USP35: variants seen among roughly 807,000 people sequenced by gnomAD.
The protein encoded by USP35 is ubiquitin carboxyl-terminal hydrolase 35.
USP35 carries 69 observed loss-of-function variants against 83.8 expected under a neutral mutation model. The ratio of observed to expected loss-of-function variants is 0.82; its 90% CI spans 0.68 to 1.01. USP35 has a LOEUF of 1.01. USP35 is among the 50% of genes least tolerant of loss of function. The pLI is 0.00. For synonymous variants in USP35, 714 were observed against 589.5 expected (o/e 1.21, Z -3.06); for missense variants, 1,503 against 1,362.5 (o/e 1.10, Z -1.62).
At position 78,210,487 on chromosome 11, in the gene USP35, C is replaced by G. The variant is rs369618243; in HGVS notation, c.2632C>G (p.Leu878Val). The G allele has an allele frequency of 1.1e-5, 18 of 1,614,124 alleles. No individual in the cohort carries two copies. The highest frequency in any genetic ancestry group is 4.4e-5 in the South Asian group (4 of 91,090). Reference sequence around the variant, plus strand: ...GGGCGCTGCCCGCCCTGCCGCTTCTCTGGGAACTGCCGATAGGCCAGAGCC... The same window carrying G: ...GGGCGCTGCCCGCCCTGCCGCTTCTGTGGGAACTGCCGATAGGCCAGAGCC... ...REGAARPAAS[L>V]GTADRPEPEN... is the part of the protein sequence containing the mutation. Residue 878 changes from leucine (L) to valine (V), a missense_variant, in exon 10 of 11, where the codon CTG (leucine) becomes GTG (valine). Physicochemically the swap from Leu to Val is conservative, Grantham distance 32 (BLOSUM62 1). Coordinates refer to ENST00000529308, the MANE Select transcript of USP35 (RefSeq NM_020798.4).
intron 10 of USP35, 135 bp downstream of exon 10, chr11:78,210,879 A>G (rs1432826322): frequency 5.3e-6 from 5 of 938,808 alleles, no homozygotes; most frequent in South Asian, 4.2e-5. Flanking sequence ...TGCTGGGTAT[A>G]TACTGGTGGC....
At chr11:78,224,673 C>T in the USP35 span, among the ~76,000 whole-genome samples, 1 of 152,170 alleles carries the variant, frequency 6.6e-6, no homozygotes, top group Non-Finnish European at 1.5e-5. Context: ...TTAGCATCTT[C>T]CAGAGGGCAG....
the USP35 span, among the ~76,000 whole-genome samples, chr11:78,231,263 A>C: frequency 2.0e-5 from 3 of 151,810 alleles, no homozygotes; most frequent in African/African-American, 7.3e-5. Flanking sequence ...TTCCTGGCCA[A>C]TGGCTCTTCC....
intron 6 of USP35, among the ~76,000 whole-genome samples, chr11:78,201,143 C>G (rs1262901805): frequency 6.6e-6 from 1 of 152,218 alleles, no homozygotes; most frequent in African/African-American, 2.4e-5. Context: ...AGTCTCTGTT[C>G]TAGTGTTACT....
intron 10 of USP35, among the ~76,000 whole-genome samples, chr11:78,211,569 A>G (rs991560489): frequency 9.2e-5 from 14 of 152,290 alleles, no homozygotes; most frequent in African/African-American, 3.4e-4. Flanking sequence ...CACTCCCACC[A>G]ACAGTGTAAA....
chr11:78,193,681 G>T (rs534232507), intron 1 of USP35, among the ~76,000 whole-genome samples: 2 of 152,332 alleles, frequency 1.3e-5, no homozygotes, highest in South Asian at 4.1e-4. Context: ...CCAGCTCAGA[G>T]AGCCTAAGTA....
the USP35 span, among the ~76,000 whole-genome samples, chr11:78,228,988 T>A: frequency 6.6e-6 from 1 of 152,192 alleles, no homozygotes; most frequent in Non-Finnish European, 1.5e-5. Flanking sequence ...CTAATTTCCA[T>A]CTGGGCCAGG....
intron 1 of USP35, among the ~76,000 whole-genome samples, chr11:78,194,732 A>G (rs1294283719): frequency 2.0e-5 from 3 of 151,910 alleles, no homozygotes; most frequent in Non-Finnish European, 4.4e-5. Flanking sequence ...GGTAGAGATG[A>G]CTCACACTGC....
At chr11:78,213,606 T>C in intron 10 of USP35, 40 bp from the exon 11 acceptor site, 1 of 1,437,630 alleles carries the variant, frequency 7.0e-7, no homozygotes, top group Non-Finnish European at 9.1e-7. Context: ...CTTCAGGGTG[T>C]GAATTCTAAG....
the USP35 span, among the ~76,000 whole-genome samples, chr11:78,236,372 A>G: frequency 1.3e-5 from 2 of 152,172 alleles, no homozygotes; most frequent in Admixed American, 1.3e-4. Context: ...GCTGGTCTCG[A>G]ACTCTTGAGC....
chr11:78,210,588 C>G lies in USP35; in HGVS notation c.2733C>G (p.Ser911=). Residue 911 remains serine (S), a synonymous_variant, in exon 10 of 11, where the codon TCC becomes TCG. Coordinates refer to ENST00000529308, the MANE Select transcript of USP35 (RefSeq NM_020798.4). ...SSFESVSNVT[S]FFPKDTAYVL... is the part of the protein sequence containing the mutation. ...TCGAATCTGTCAGCAACGTCACCTC[C>G]TTCTTCCCTAAGGACACAGCCTATG... 1 of 1,614,104 alleles carries G rather than the reference C, an allele frequency of 6.2e-7. No homozygotes were observed. Among genetic ancestry groups the G allele is most frequent in the Non-Finnish European group, 8.5e-7 (1 of 1,179,940 alleles).
At chr11:78,221,789 G>T in the USP35 span, 1 of 1,597,938 alleles carries the variant, frequency 6.3e-7, no homozygotes, top group African/African-American at 1.3e-5. Flanking sequence ...GCTGTTGTGG[G>T]AAGGAAGAGT....
rs757034394 is a variant in USP35 at position 78,196,031 on chromosome 11, G to A, written c.-10-205G>A. Among the ~76,000 whole-genome samples the A allele has an allele frequency of 1.9e-4, 29 of 152,182 alleles. No individual in the cohort carries two copies. The highest frequency in any genetic ancestry group is 4.1e-4 in the South Asian group (2 of 4,834). On this transcript the variant is annotated intron_variant, in intron 1 of 10. Transcript: ENST00000529308. The surrounding 1 kb of genome is among the most constrained non-coding windows in gnomAD (Gnocchi z 4.8). ...GTGTGAGTCACCACGCAGGCCCCTG[G>A]CATTTATTATGTGCCAAGTGTTGTG...
chr11:78,214,331 AACAGAG>A lies in USP35; in HGVS notation c.*521_*526del, dbSNP rs1258263505. The A allele has an allele frequency of 1.5e-5, 2 of 133,940 alleles. No individual in the cohort carries two copies. Among genetic ancestry groups the A allele is most frequent in the African/African-American group, 5.6e-5 (2 of 35,566 alleles). 8.3% of individuals were successfully genotyped at this position (133,940 alleles called of 1,614,324 possible). A position where few individuals can be genotyped will look rare whatever the true frequency, so the allele number is the denominator to read the frequency against. ...GCACTGTCTGTACCTTTCTGAGAAG[AACAGAG>A]ACCGAGACCTGCCCCCTTACCAAGC... is the stretch of plus-strand genomic sequence containing the variant. On this transcript the variant is annotated 3_prime_UTR_variant, in exon 11 of 11. Coordinates refer to ENST00000529308, the MANE Select transcript of USP35 (RefSeq NM_020798.4).
the USP35 span, among the ~76,000 whole-genome samples, chr11:78,230,641 G>A: frequency 1.3e-5 from 2 of 152,242 alleles, no homozygotes; most frequent in Admixed American, 6.5e-5. Context: ...CATAGTGCCA[G>A]GCATATGATA....
chr11:78,211,962 T>C (rs1197365198), intron 10 of USP35, among the ~76,000 whole-genome samples: 2 of 152,222 alleles, frequency 1.3e-5, no homozygotes, highest in Non-Finnish European at 1.5e-5. Flanking sequence ...CCATTTGTCA[T>C]TGTTTGCTTT....
rs1864056903 is a variant in USP35 at position 78,215,182 on chromosome 11, A to G, written c.*1369A>G. On this transcript the variant is annotated 3_prime_UTR_variant, in exon 11 of 11. Coordinates refer to ENST00000529308, the MANE Select transcript of USP35 (RefSeq NM_020798.4). ...GTAGAGAGCATTTGTTCTTATTCAC[A>G]GCCAAGAAAAATACCCAATTATTTC... is the stretch of plus-strand genomic sequence containing the variant. 1 of 152,564 alleles carries G rather than the reference A, an allele frequency of 6.6e-6. No homozygotes were observed. The highest frequency in any genetic ancestry group is 2.1e-4 in the South Asian group (1 of 4,834). The allele number at this position is 152,564 out of a possible 1,614,324, so 9.5% of individuals were successfully genotyped here. A position where few individuals can be genotyped will look rare whatever the true frequency, so the allele number is the denominator to read the frequency against.
the USP35 span, among the ~76,000 whole-genome samples, chr11:78,236,072 C>G: frequency 8.6e-3 from 1,306 of 152,290 alleles, 15 homozygotes; most frequent in African/African-American, 0.029. Context: ...TCTTCTAGTT[C>G]ATAACTACTG....
intron 10 of USP35, among the ~76,000 whole-genome samples, chr11:78,212,059 G>A (rs111534640): frequency 0.031 from 4,783 of 152,194 alleles, 223 homozygotes; most frequent in African/African-American, 0.11. Flanking sequence ...TCTTCTAGGG[G>A]TTTAATACCT....
Sources: allele counts gnomAD v4.1 joint callset (sites outside exome capture counted in the v4.1 genomes callset), GRCh38; gene constraint gnomAD v4.1.1; non-coding constraint Gnocchi (gnomAD v3.1); transcripts MANE v1.5; gene names NCBI Gene and HGNC (gene_info 2026-07-23, HGNC 2026-07-21).